Variants in VPS35L observed in about 807,000 individuals in gnomAD.
The protein encoded by VPS35L is VPS35 endosomal protein-sorting factor-like.
VPS35L carries 83 observed loss-of-function variants against 133.0 expected under a neutral mutation model. The observed-to-expected ratio is 0.62, with a 90% CI of 0.52 to 0.75. VPS35L has a LOEUF of 0.75. Ranked by LOEUF, VPS35L falls within the 30% of genes least tolerant of loss-of-function variation. The pLI, the probability that VPS35L is intolerant of heterozygous loss-of-function variation, is 0.00. For synonymous variants in VPS35L, 423 were observed against 449.9 expected (o/e 0.94, Z 0.76); for missense variants, 1,083 against 1,206.8 (o/e 0.90, Z 1.52).
At chr16:19,656,559 T>A (rs767181745) in intron 26 of VPS35L, among the ~76,000 whole-genome samples, 214 of 151,806 alleles carry the variant, frequency 1.4e-3, no homozygotes, top group Non-Finnish European at 2.3e-3. Flanking sequence ...AGCCAGGTGC[T>A]CTTGGATGAC....
intron 7 of VPS35L, among the ~76,000 whole-genome samples, chr16:19,584,605 C>T (rs2438593): frequency 0.073 from 9,603 of 131,476 alleles, 712 homozygotes; most frequent in African/African-American, 0.21. Flanking sequence ...CCAACATGGG[C>T]AACAAGAGCA....
At chr16:19,556,066 G>C (rs138712202) in intron 1 of VPS35L, among the ~76,000 whole-genome samples, 5 of 152,294 alleles carry the variant, frequency 3.3e-5, no homozygotes, top group Non-Finnish European at 7.4e-5. Context: ...TTCTGGGGTC[G>C]CTGGATGAGG....
chr16:19,696,377 C>A (rs539192814), intron 29 of VPS35L, among the ~76,000 whole-genome samples: 1 of 152,134 alleles, frequency 6.6e-6, no homozygotes, highest in Non-Finnish European at 1.5e-5. Context: ...CTGTGCCGTT[C>A]TGAGAATCAT....
chr16:19,658,959 G>A (rs62024093), intron 26 of VPS35L, among the ~76,000 whole-genome samples: 10,289 of 149,704 alleles, frequency 0.069, 492 homozygotes, highest in Middle Eastern at 0.11. Context: ...AGGCTCAGGC[G>A]TGCTCAGGAA....
At chr16:19,606,769 A>G (rs1280138016) in intron 9 of VPS35L, among the ~76,000 whole-genome samples, 1 of 152,134 alleles carries the variant, frequency 6.6e-6, no homozygotes, top group Non-Finnish European at 1.5e-5. Context: ...TTATTTATTC[A>G]TTTTTTAGAG....
At chr16:19,669,137 G>T in intron 26 of VPS35L, 23 bp from the exon 27 acceptor site, 1 of 1,587,322 alleles carries the variant, frequency 6.3e-7, no homozygotes. Flanking sequence ...CTAATATACT[G>T]ACTTTTATCT....
chr16:19,557,528 C>T (rs1970899108), intron 1 of VPS35L, among the ~76,000 whole-genome samples: 1 of 151,992 alleles, frequency 6.6e-6, no homozygotes, highest in African/African-American at 2.4e-5. Flanking sequence ...GGATTACAGG[C>T]GATGCCACCA....
chr16:19,627,302 C>T (rs908905252), intron 15 of VPS35L, among the ~76,000 whole-genome samples: 2 of 151,224 alleles, frequency 1.3e-5, no homozygotes, highest in Non-Finnish European at 3.0e-5. Flanking sequence ...AACAAAAAAA[C>T]CAAAACTCTT....
chr16:19,681,691 T>A (rs1778027775), intron 27 of VPS35L, among the ~76,000 whole-genome samples: 2 of 152,208 alleles, frequency 1.3e-5, no homozygotes, highest in Admixed American at 1.3e-4. Context: ...AGGTTTTGCC[T>A]CTCCCAAGAG....
chr16:19,654,109 A>G (rs1013320197), intron 26 of VPS35L, among the ~76,000 whole-genome samples: 3 of 151,988 alleles, frequency 2.0e-5, no homozygotes, highest in African/African-American at 7.2e-5. Flanking sequence ...CCCTCTTTCT[A>G]CAATGATCTT....
chr16:19,587,683 C>A (rs1442416507), intron 7 of VPS35L, among the ~76,000 whole-genome samples: 1 of 151,572 alleles, frequency 6.6e-6, no homozygotes, highest in African/African-American at 2.4e-5. Context: ...ATTCAGACTA[C>A]TTAAAAAACA....
chr16:19,612,264 G>GT (rs1211460943), intron 12 of VPS35L, among the ~76,000 whole-genome samples: 2 of 144,946 alleles, frequency 1.4e-5, no homozygotes, highest in Non-Finnish European at 3.0e-5. Flanking sequence ...GTTTTGTTTT[G>GT]TTTTTTTGCA....
chr16:19,646,158 C>T (rs1193655329), intron 23 of VPS35L, among the ~76,000 whole-genome samples: 3 of 152,058 alleles, frequency 2.0e-5, no homozygotes, highest in Non-Finnish European at 2.9e-5. Flanking sequence ...GTGGCACTGG[C>T]GTGGCACGAT....
chr16:19,680,764 G>C (rs1026502229), intron 27 of VPS35L, among the ~76,000 whole-genome samples: 5 of 152,136 alleles, frequency 3.3e-5, no homozygotes, highest in African/African-American at 1.2e-4. Context: ...ATAGAAATTC[G>C]CCAAGCGTGG....
chr16:19,592,195 C>T (rs927991662), intron 8 of VPS35L, among the ~76,000 whole-genome samples: 4 of 151,690 alleles, frequency 2.6e-5, no homozygotes, highest in African/African-American at 9.7e-5. Flanking sequence ...CTGCCTCAGC[C>T]TCCTGAGTAG....
intron 1 of VPS35L, among the ~76,000 whole-genome samples, chr16:19,563,326 AAAAG>A (rs1365919123): frequency 6.6e-6 from 1 of 151,930 alleles, no homozygotes; most frequent in Admixed American, 6.6e-5. Flanking sequence ...AAAAAAAAAA[AAAAG>A]AAAAGGAAAA....
intron 26 of VPS35L, among the ~76,000 whole-genome samples, chr16:19,663,455 T>A (rs1421641513): frequency 6.6e-6 from 1 of 152,126 alleles, no homozygotes; most frequent in Non-Finnish European, 1.5e-5. Flanking sequence ...TTTATATACT[T>A]TTTTTCCTTT....
intron 18 of VPS35L, among the ~76,000 whole-genome samples, 161 bp from the exon 19 acceptor site, chr16:19,632,931 A>G (rs1973502916): frequency 6.6e-6 from 1 of 152,244 alleles, no homozygotes; most frequent in Admixed American, 6.5e-5. Flanking sequence ...GGGTGATATG[A>G]GTGAGATTTC....
In VPS35L at chr16:19,633,896, T is replaced by C. The variant is rs998458283; in HGVS notation, c.1635+724T>C. ...GGCGTGCCACCACGCCTGGCTAATT[T>C]TTTGAATTTTTAGTAGAGTTGGGGT... On this transcript the variant is annotated intron_variant, in intron 19 of 30. Transcript: ENST00000417362. This position sits in a 1 kb window ranked among gnomAD's most constrained non-coding sequence, Gnocchi z 4.1. Among the ~76,000 whole-genome samples the C allele has an allele frequency of 6.6e-6, 1 of 151,984 alleles. No individual in the cohort carries two copies. The highest frequency in any genetic ancestry group is 2.4e-5 in the African/African-American group (1 of 41,398).
Sources: allele counts gnomAD v4.1 joint callset (sites outside exome capture counted in the v4.1 genomes callset), GRCh38; gene constraint gnomAD v4.1.1; non-coding constraint Gnocchi (gnomAD v3.1); transcripts MANE v1.5; gene names NCBI Gene and HGNC (gene_info 2026-07-23, HGNC 2026-07-21).